Variants in GAB1 observed in about 807,000 individuals in gnomAD.
GAB1 encodes the protein GRB2-associated-binding protein 1.
In GAB1, 19 loss-of-function variants were observed where a neutral mutation model predicts 66.5. That is an observed-to-expected ratio of 0.29 (90% confidence interval 0.20 to 0.42). The LOEUF (loss-of-function observed/expected upper bound fraction) is 0.42. Ranked by LOEUF, GAB1 falls within the 10% of genes least tolerant of loss-of-function variation. GAB1 has a pLI of 1.00. For synonymous variants in GAB1, 294 were observed against 301.4 expected (o/e 0.98, Z 0.25); for missense variants, 732 against 858.5 (o/e 0.85, Z 1.84).
In GAB1 at chr4:143,351,002, C is replaced by T. The variant is rs182321952; in HGVS notation, c.72+13742C>T. Among the ~76,000 whole-genome samples, 340 of 152,276 alleles carry T rather than the reference C, an allele frequency of 2.2e-3. 3 individuals are homozygous for T. The highest frequency in any genetic ancestry group is 7.8e-3 in the African/African-American group (325 of 41,536). Reference sequence around the variant, plus strand: ...TTCTTCAGGGCCCCACTGCTCAAACCTCTAGGGGAGCATACAGACCGGCAG... The same window carrying T: ...TTCTTCAGGGCCCCACTGCTCAAACTTCTAGGGGAGCATACAGACCGGCAG... On this transcript the variant is annotated intron_variant, in intron 1 of 9. Transcript: ENST00000262994.
At chr4:143,406,998 A>G (rs1389977506) in intron 1 of GAB1, among the ~76,000 whole-genome samples, 1 of 152,138 alleles carries the variant, frequency 6.6e-6, no homozygotes, top group Non-Finnish European at 1.5e-5. Context: ...TAATAAATAA[A>G]TTTACCTAAT....
chr4:143,422,987 G>A (rs1395441499), intron 2 of GAB1, among the ~76,000 whole-genome samples: 1 of 152,174 alleles, frequency 6.6e-6, no homozygotes, highest in East Asian at 1.9e-4. Context: ...AGAAACTCAA[G>A]GCAGAAAGCA....
At chr4:143,466,973 C>T (rs1735823913) in intron 9 of GAB1, among the ~76,000 whole-genome samples, 2 of 152,192 alleles carry the variant, frequency 1.3e-5, no homozygotes, top group South Asian at 2.1e-4. Context: ...ACATGTTGAC[C>T]AGCTTCTTTG....
intron 6 of GAB1, chr4:143,457,898 A>G (rs963366878): frequency 5.1e-6 from 3 of 590,902 alleles, no homozygotes; most frequent in African/African-American, 4.0e-5. Context: ...TTTCCTGCAC[A>G]TTATTTCTAA....
At chr4:143,342,214 G>T (rs931850611) in intron 1 of GAB1, among the ~76,000 whole-genome samples, 3 of 152,190 alleles carry the variant, frequency 2.0e-5, no homozygotes, top group African/African-American at 7.2e-5. Context: ...CTCCAAATCT[G>T]ATTGCTACCT....
chr4:143,445,704 A>G (rs190321527), intron 6 of GAB1, among the ~76,000 whole-genome samples: 51 of 152,164 alleles, frequency 3.4e-4, no homozygotes, highest in African/African-American at 1.2e-3. Flanking sequence ...TTTTATCGAA[A>G]GCTTTTTCCA....
rs977464527 is a variant in GAB1, at chr4:143,472,281, T to A, written c.*3092T>A. On this transcript the variant is annotated 3_prime_UTR_variant, in exon 10 of 10. Transcript: ENST00000262994. ...CTATGAGTGTGTCTGTATGTGTGTG[T>A]ATATATAGCATTGTATTTAATCATA... is the stretch of plus-strand genomic sequence containing the variant. 6.6e-6 allele frequency: 1 copy of A among 152,184 alleles called. No individual in the cohort carries two copies. The highest frequency in any genetic ancestry group is 1.5e-5 in the Non-Finnish European group (1 of 68,026). The allele number at this position is 152,184 out of a possible 1,614,324, so 9.4% of individuals were successfully genotyped here.
intron 6 of GAB1, among the ~76,000 whole-genome samples, chr4:143,453,885 C>G (rs570148193): frequency 1.3e-5 from 2 of 152,222 alleles, no homozygotes; most frequent in East Asian, 3.9e-4. Context: ...TAAATTGTAC[C>G]TTCCTTACAT....
chr4:143,401,071 T>G (rs1731746640), intron 1 of GAB1, among the ~76,000 whole-genome samples: 1 of 152,228 alleles, frequency 6.6e-6, no homozygotes, highest in Non-Finnish European at 1.5e-5. Context: ...ATCATAAAAT[T>G]TATTTTAACT....
At chr4:143,455,029 G>T (rs1296127852) in intron 6 of GAB1, among the ~76,000 whole-genome samples, 1 of 151,934 alleles carries the variant, frequency 6.6e-6, no homozygotes, top group Non-Finnish European at 1.5e-5. Context: ...GATCATTCTG[G>T]ATTATAGTCA....
In GAB1 at chr4:143,470,449, T is replaced by G. The variant is rs998375880; in HGVS notation, c.*1260T>G. ...AGCCTTGCTACAATGTGAAATGTTA[T>G]AGTCATGGACTCCTTCCAACCAGAT... On this transcript the variant is annotated 3_prime_UTR_variant, in exon 10 of 10. Transcript: ENST00000262994. 3.9e-5 allele frequency: 6 copies of G among 152,214 alleles called. No homozygotes were observed. Among genetic ancestry groups the G allele is most frequent in the African/African-American group, 1.4e-4 (6 of 41,460 alleles). 9.4% of individuals were successfully genotyped at this position (152,214 alleles called of 1,614,324 possible).
intron 2 of GAB1, among the ~76,000 whole-genome samples, chr4:143,432,870 A>G (rs1733732358): frequency 6.6e-6 from 1 of 152,222 alleles, no homozygotes; most frequent in African/African-American, 2.4e-5. Flanking sequence ...TTCCATGAAA[A>G]TACTACAAAA....
At chr4:143,418,303 G>C (rs574760737) in intron 2 of GAB1, among the ~76,000 whole-genome samples, 2 of 152,310 alleles carry the variant, frequency 1.3e-5, no homozygotes, top group African/African-American at 4.8e-5. Context: ...CAGTGTAAGT[G>C]GGCATGGGGG....
intron 1 of GAB1, chr4:143,380,684 G>T (rs1303492432): frequency 1.3e-5 from 2 of 152,194 alleles, no homozygotes; most frequent in African/African-American, 4.8e-5. Context: ...CCCTCCCAAA[G>T]TGCTGGGATT....
intron 6 of GAB1, among the ~76,000 whole-genome samples, chr4:143,444,355 C>T (rs986786390): frequency 2.0e-5 from 3 of 152,104 alleles, no homozygotes; most frequent in Admixed American, 1.3e-4. Context: ...ACATTAGTTA[C>T]TATACTGACT....
chr4:143,341,268 G>C (rs1012776465), intron 1 of GAB1, among the ~76,000 whole-genome samples: 58 of 151,824 alleles, frequency 3.8e-4, no homozygotes, highest in African/African-American at 1.2e-3. Flanking sequence ...CAGAAAACAA[G>C]TAAAGTCTTG....
At chr4:143,406,266 C>T (rs923597346) in intron 1 of GAB1, among the ~76,000 whole-genome samples, 25 of 150,720 alleles carry the variant, frequency 1.7e-4, no homozygotes, top group Admixed American at 5.9e-4. Flanking sequence ...TTTTTTTTTT[C>T]ATTATTTCCT....
At chr4:143,338,651 A>T (rs1161631649) in intron 1 of GAB1, among the ~76,000 whole-genome samples, 1 of 152,012 alleles carries the variant, frequency 6.6e-6, no homozygotes, top group Non-Finnish European at 1.5e-5. Context: ...TGCTAACTTT[A>T]TTCCAAAAAT....
In GAB1 at chr4:143,471,478, A is replaced by G. The variant is rs531911719; in HGVS notation, c.*2289A>G. 6.6e-6 allele frequency: 1 copy of G among 152,016 alleles called. No homozygotes were observed. Among genetic ancestry groups the G allele is most frequent in the Non-Finnish European group, 1.5e-5 (1 of 67,990 alleles). 9.4% of individuals were successfully genotyped at this position (152,016 alleles called of 1,614,324 possible). On this transcript the variant is annotated 3_prime_UTR_variant, in exon 10 of 10. Coordinates refer to ENST00000262994, the MANE Select transcript of GAB1 (RefSeq NM_002039.4). ...TAACCCCAATACATAAAGCCTGAAA[A>G]CTCAATTTTATCAATATAAATGTAT...
Sources: gnomAD v4.1 joint callset for allele counts (sites outside exome capture counted in the v4.1 genomes callset) on GRCh38, gnomAD v4.1.1 for gene constraint, MANE v1.5 for transcripts, NCBI Gene and HGNC (gene_info 2026-07-23, HGNC 2026-07-21) for gene names.